Variants in PURG observed in about 807,000 individuals in gnomAD.
PURG encodes purine-rich element-binding protein gamma.
Under a neutral mutation model 24.3 loss-of-function variants are expected in PURG, and 3 were observed. The ratio of observed to expected loss-of-function variants is 0.12; its 90% CI spans 0.06 to 0.32. The LOEUF (loss-of-function observed/expected upper bound fraction) is 0.32, where lower values mean the gene tolerates loss of function less well. Among genes scored for constraint, PURG ranks in the 10% least tolerant of loss-of-function variants. PURG has a pLI of 1.00. For missense variants in PURG, 371 were observed against 439.1 expected, an observed-to-expected ratio of 0.84 and a Z score of 1.39; for synonymous variants, 180 against 173.1, an observed-to-expected ratio of 1.04 and a Z score of -0.31.
At chr8:31,026,060 A>G (rs764354222), downstream of PURG, among the ~76,000 whole-genome samples, 1 of 151,984 alleles carries the variant, frequency 6.6e-6, no homozygotes, top group Non-Finnish European at 1.5e-5. Context: ...TCTCATAAAG[A>G]TAAAGGCTTC....
chr8:31,010,782 G>A (rs549783861), intron 1 of PURG, among the ~76,000 whole-genome samples: 1 of 152,170 alleles, frequency 6.6e-6, no homozygotes, highest in South Asian at 2.1e-4. Context: ...AGGGTAAAAT[G>A]AGGTATAATA....
intron 1 of PURG, among the ~76,000 whole-genome samples, chr8:31,013,033 C>T (rs537245625): frequency 1.3e-5 from 2 of 151,964 alleles, no homozygotes; most frequent in Non-Finnish European, 2.9e-5. Flanking sequence ...GTTGTGTTTA[C>T]CCAAGATTAA....
intron 1 of PURG, among the ~76,000 whole-genome samples, chr8:31,014,464 G>C (rs1051949318): frequency 1.3e-5 from 2 of 152,148 alleles, no homozygotes; most frequent in African/African-American, 4.8e-5. Flanking sequence ...TACAGAATAA[G>C]AGTTTAAAAA....
Position 31,013,566 on chromosome 8 carries a change from C to T in PURG, c.865-16869G>A, listed in dbSNP as rs542280207. ...AGCCCGGCCAACATGGTGAAACTTC[C>T]GTCTCTACTAAAAACACAAAATTAG... On this transcript the variant is annotated intron_variant, in intron 1 of 1. Transcript: ENST00000339382. 3.9e-5 allele frequency among the ~76,000 whole-genome samples: 6 copies of T among 152,176 alleles called. No individual in the cohort carries two copies. In the South Asian group the frequency reaches 1.0e-3, roughly 26 times the overall value.
At chr8:31,030,631 T>C (rs1030831453), downstream of PURG, among the ~76,000 whole-genome samples, 1 of 151,826 alleles carries the variant, frequency 6.6e-6, no homozygotes, top group African/African-American at 2.4e-5. Context: ...TGGAAATTTG[T>C]ATTCTAAATT....
chr8:31,018,462 C>T (rs1280140597), intron 1 of PURG, among the ~76,000 whole-genome samples: 1 of 152,166 alleles, frequency 6.6e-6, no homozygotes, highest in Admixed American at 6.5e-5. Context: ...TTAAAGTTTG[C>T]CCTAATGTTG....
intron 1 of PURG, among the ~76,000 whole-genome samples, chr8:30,996,938 C>T (rs927114390): frequency 6.6e-6 from 1 of 151,448 alleles, no homozygotes; most frequent in Non-Finnish European, 1.5e-5. Flanking sequence ...GCATTGATGC[C>T]AAGGAAAATA....
chr8:31,021,997 G>T (rs970196428), intron 1 of PURG, among the ~76,000 whole-genome samples: 1 of 144,096 alleles, frequency 6.9e-6, no homozygotes. Flanking sequence ...TTGAGATGGC[G>T]TCTCACTCCG....
rs1019113783 is a variant in PURG, at chr8:31,032,379, C to T, written c.404G>A (p.Arg135Gln). The change falls in exon 2 of 2, where the codon CGG becomes CAG. Residue 135 changes from arginine to glutamine, a missense_variant. Physicochemically the swap from Arg to Gln is conservative, Grantham distance 43. This residue lies in a region of PURG where 213 missense variants were observed against 230.6 expected (regional missense o/e 0.92). Coordinates refer to ENST00000523392, the MANE Select transcript of PURG (RefSeq NM_001323311.2). The surrounding 1 kb of genome is among the most constrained non-coding windows in gnomAD (Gnocchi z 5.9). ...HYAHLGLKGH[R>Q]QEHGHSKEQG... is the part of the protein sequence containing the mutation. ...CTCTTTGCTGTGGCCATGCTCTTGC[C>T]GGTGGCCTTTCAGGCCCAGGTGGGC... 1 of 1,613,578 alleles carries T rather than the reference C, an allele frequency of 6.2e-7. No homozygotes were observed. The highest frequency in any genetic ancestry group is 1.3e-5 in the African/African-American group (1 of 75,036).
intron 1 of PURG, among the ~76,000 whole-genome samples, chr8:31,001,593 C>T (rs1411718123): frequency 1.3e-5 from 2 of 152,074 alleles, no homozygotes; most frequent in African/African-American, 2.4e-5. Context: ...ATTATCCAGA[C>T]CCAGAGAAAT....
chr8:31,006,925 C>T (rs1260387250), intron 1 of PURG, among the ~76,000 whole-genome samples: 2 of 152,090 alleles, frequency 1.3e-5, no homozygotes, highest in Non-Finnish European at 1.5e-5. Flanking sequence ...TTTTAAAAAG[C>T]TCTGAAACTC....
At chr8:31,027,683 T>A (rs1218040547), downstream of PURG, among the ~76,000 whole-genome samples, 1 of 151,688 alleles carries the variant, frequency 6.6e-6, no homozygotes, top group Non-Finnish European at 1.5e-5. Flanking sequence ...TTTATTCTTA[T>A]CTATAGATAT....
At chr8:31,030,072 A>G (rs10108022), downstream of PURG, among the ~76,000 whole-genome samples, 1 of 152,026 alleles carries the variant, frequency 6.6e-6, no homozygotes, top group Non-Finnish European at 1.5e-5. Flanking sequence ...CTTAAGTAAC[A>G]TAAACCAATG....
At chr8:31,021,176 T>C (rs549911550) in intron 1 of PURG, among the ~76,000 whole-genome samples, 3 of 152,262 alleles carry the variant, frequency 2.0e-5, no homozygotes, top group South Asian at 4.1e-4. Flanking sequence ...ATCAATAAGA[T>C]GGCAGGAAAA....
In PURG at chr8:31,032,830, G is replaced by A; in HGVS notation, c.-6-42C>T. Reference sequence around the variant, plus strand: ...GACACACGGGATGGGGTGGGGGAGGGGTGTTGAGAACAATCGCAGACGCCC... The same window carrying A: ...GACACACGGGATGGGGTGGGGGAGGAGTGTTGAGAACAATCGCAGACGCCC... On this transcript the variant is annotated intron_variant, in intron 1 of 1. Transcript: ENST00000523392. This position sits in a 1 kb window ranked among gnomAD's most constrained non-coding sequence, Gnocchi z 5.9. The A allele has an allele frequency of 2.3e-6, 3 of 1,311,790 alleles. No individual in the cohort carries two copies. Among genetic ancestry groups the A allele is most frequent in the Non-Finnish European group, 2.9e-6 (3 of 1,024,930 alleles). 81.3% of individuals were successfully genotyped at this position (1,311,790 alleles called of 1,614,324 possible).
At chr8:31,020,487 ATAAAT>A (rs1810971569) in intron 1 of PURG, among the ~76,000 whole-genome samples, 1 of 152,214 alleles carries the variant, frequency 6.6e-6, no homozygotes, top group Non-Finnish European at 1.5e-5. Flanking sequence ...TAATTACAAA[ATAAAT>A]TAAAAATATG....
At chr8:30,997,613 T>A (rs1038506751) in intron 1 of PURG, among the ~76,000 whole-genome samples, 1 of 151,658 alleles carries the variant, frequency 6.6e-6, no homozygotes, top group Admixed American at 6.6e-5. Flanking sequence ...GACTTAAAGA[T>A]AAGTAAACTT....
intron 1 of PURG, among the ~76,000 whole-genome samples, chr8:31,014,826 T>C (rs1488722093): frequency 6.6e-6 from 1 of 152,070 alleles, no homozygotes; most frequent in Middle Eastern, 3.4e-3. Context: ...AACAAACAAA[T>C]AAAATACCAA....
At position 31,031,888 on chromosome 8, in the gene PURG, T is replaced by A; in HGVS notation, c.895A>T (p.Thr299Ser). The change falls in exon 2 of 2, where the codon ACT becomes TCT. Residue 299 changes from threonine (T) to serine (S), a missense_variant. Around this residue, in one of 5 missense-constraint regions of PURG, gnomAD observed 103 missense variants for 127.7 expected, o/e 0.81. Coordinates refer to ENST00000523392, the MANE Select transcript of PURG (RefSeq NM_001323311.2). ...CAAGCTTTGAATGGAACAGTAATAG[T>A]ATTACGGTAAGGTGGTCTCACCTCA... is the stretch of plus-strand genomic sequence containing the variant. ...VSEVRPPYRNTITVPFKAWTR... is the reference protein window; with the variant it reads ...VSEVRPPYRNSITVPFKAWTR... 1.9e-6 allele frequency: 3 copies of A among 1,613,992 alleles called. No individual in the cohort carries two copies. The highest frequency in any genetic ancestry group is 2.5e-6 in the Non-Finnish European group (3 of 1,179,940).
Sources: gnomAD v4.1 joint callset for allele counts (sites outside exome capture counted in the v4.1 genomes callset) on GRCh38, gnomAD v4.1.1 for gene constraint, gnomAD v4.1.1 regional missense constraint, Gnocchi (gnomAD v3.1) non-coding constraint, MANE v1.5 for transcripts, NCBI Gene and HGNC (gene_info 2026-07-23, HGNC 2026-07-21) for gene names.